Variants in SLC4A8 observed in about 807,000 individuals in gnomAD.
SLC4A8 encodes electroneutral sodium bicarbonate exchanger 1.
SLC4A8 carries 40 observed loss-of-function variants against 125.0 expected under a neutral mutation model. That is an observed-to-expected ratio of 0.32 (90% CI 0.25 to 0.42). The LOEUF (loss-of-function observed/expected upper bound fraction) is 0.42. SLC4A8 is among the 10% of genes least tolerant of loss of function. The pLI is 1.00. For missense variants in SLC4A8, 863 were observed against 1,355.1 expected (o/e 0.64, Z 5.70); for synonymous variants, 456 against 476.0 (o/e 0.96, Z 0.55).
At chr12:51,488,288 G>C (rs1312667608) in intron 17 of SLC4A8, among the ~76,000 whole-genome samples, 2 of 152,134 alleles carry the variant, frequency 1.3e-5, no homozygotes. Context: ...CCCTGCACTG[G>C]CTTTACTGCA....
chr12:51,436,147 C>T (rs1357305673), intron 1 of SLC4A8, among the ~76,000 whole-genome samples: 1 of 152,172 alleles, frequency 6.6e-6, no homozygotes, highest in Non-Finnish European at 1.5e-5. Context: ...TTCTCTCTTG[C>T]CGAGAATCCC....
chr12:51,507,548 G>C lies in SLC4A8; in HGVS notation c.*110G>C. On this transcript the variant is annotated 3_prime_UTR_variant, in exon 25 of 25. Transcript: ENST00000453097. ...AAGAAGCAAGACCAAGTCTGGCCCT[G>C]TCCTTGGTCATCTCAAAGCCATGCC... 1.4e-6 allele frequency: 1 copy of C among 734,046 alleles called. No individual in the cohort carries two copies. Among genetic ancestry groups the C allele is most frequent in the Non-Finnish European group, 2.0e-6 (1 of 490,242 alleles). 45.5% of individuals were successfully genotyped at this position (734,046 alleles called of 1,614,324 possible). A position where few individuals can be genotyped will look rare whatever the true frequency, so the allele number is the denominator to read the frequency against.
intron 16 of SLC4A8, among the ~76,000 whole-genome samples, chr12:51,483,477 T>C (rs1321189863): frequency 1.3e-5 from 2 of 151,544 alleles, no homozygotes; most frequent in Non-Finnish European, 2.9e-5. Flanking sequence ...TTTCTCTTTT[T>C]TTTTTTAAGT....
intron 4 of SLC4A8, 103 bp downstream of exon 4, chr12:51,452,362 C>A: frequency 7.7e-7 from 1 of 1,300,796 alleles, no homozygotes; most frequent in Non-Finnish European, 1.1e-6. Context: ...TTGGGAGAAG[C>A]TGTGACTGAC....
chr12:51,489,998 T>C (rs1428470670), intron 19 of SLC4A8, 47 bp downstream of exon 19: 2 of 1,585,122 alleles, frequency 1.3e-6, no homozygotes, highest in Admixed American at 1.7e-5. Context: ...GCCTGATTTG[T>C]GCCAGGAATC....
intron 1 of SLC4A8, among the ~76,000 whole-genome samples, chr12:51,415,188 A>G (rs74514983): frequency 0.022 from 3,418 of 152,238 alleles, 82 homozygotes; most frequent in Non-Finnish European, 0.028. Context: ...TGGAAAAAAA[A>G]AAAGTCAAAT....
intron 1 of SLC4A8, among the ~76,000 whole-genome samples, chr12:51,415,199 A>G (rs1948662812): frequency 6.6e-6 from 1 of 152,070 alleles, no homozygotes; most frequent in South Asian, 2.1e-4. Flanking sequence ...AAAGTCAAAT[A>G]CCGCAATTAC....
At chr12:51,441,125 C>T (rs1410698605) in intron 2 of SLC4A8, 2 of 1,005,770 alleles carry the variant, frequency 2.0e-6, no homozygotes, top group African/African-American at 3.4e-5. Flanking sequence ...CCTGGAAATA[C>T]AAATAAATAC....
At chr12:51,416,211 G>GTTTTTTTTTTTTTT (rs57565585) in intron 1 of SLC4A8, among the ~76,000 whole-genome samples, 7 of 82,522 alleles carry the variant, frequency 8.5e-5, no homozygotes, top group East Asian at 3.5e-4. Flanking sequence ...GAGGTCTTTT[G>GTTTTTTTTTTTTTT]TTTTTTTTTT....
intron 16 of SLC4A8, among the ~76,000 whole-genome samples, chr12:51,482,461 C>T (rs1264978549): frequency 6.6e-6 from 1 of 152,272 alleles, no homozygotes; most frequent in Non-Finnish European, 1.5e-5. Context: ...TCACTCCAAC[C>T]TCCACCTCCT....
intron 1 of SLC4A8, among the ~76,000 whole-genome samples, chr12:51,435,989 C>G (rs939288744): frequency 6.6e-6 from 1 of 151,950 alleles, no homozygotes; most frequent in Admixed American, 6.6e-5. Context: ...TTTTTCTAAG[C>G]CTTTGAGTGG....
chr12:51,505,797 G>A (rs758221306), intron 23 of SLC4A8, 38 bp from the exon 24 acceptor site: 1 of 917,136 alleles, frequency 1.1e-6, no homozygotes. Context: ...TATTTTACTT[G>A]TATGTCTGAC....
intron 16 of SLC4A8, chr12:51,480,317 T>C (rs1170766360): frequency 1.7e-6 from 2 of 1,204,562 alleles, no homozygotes; most frequent in Non-Finnish European, 2.1e-6. Context: ...TATTTATATG[T>C]ATGTCTTATT....
chr12:51,498,309 A>G (rs1454791380), intron 22 of SLC4A8, among the ~76,000 whole-genome samples: 1 of 152,116 alleles, frequency 6.6e-6, no homozygotes, highest in Admixed American at 6.5e-5. Context: ...TAAGAATAAT[A>G]TGAAATTGAA....
At chr12:51,425,120 G>T in intron 1 of SLC4A8, 85 bp downstream of exon 1, 1 of 1,489,928 alleles carries the variant, frequency 6.7e-7, no homozygotes, top group South Asian at 1.3e-5. Context: ...TTCTGCCCCC[G>T]AGCCCAGGCT....
chr12:51,471,113 C>T (rs1031388949), intron 13 of SLC4A8, among the ~76,000 whole-genome samples, 174 bp from the exon 14 acceptor site: 2 of 151,952 alleles, frequency 1.3e-5, no homozygotes, highest in Non-Finnish European at 2.9e-5. Flanking sequence ...TCCTGTGAGG[C>T]AAATCTGTAT....
chr12:51,449,711 G>A (rs1461697950), intron 2 of SLC4A8, among the ~76,000 whole-genome samples: 1 of 152,194 alleles, frequency 6.6e-6, no homozygotes, highest in Admixed American at 6.5e-5. Flanking sequence ...AGGTGACAGA[G>A]ATCTGGAAAT....
chr12:51,432,717 G>A (rs1949236118), intron 1 of SLC4A8, among the ~76,000 whole-genome samples: 1 of 151,996 alleles, frequency 6.6e-6, no homozygotes. Flanking sequence ...GCGAGACTCT[G>A]TCTCAAAACA....
chr12:51,446,957 CT>C (rs1484216139), intron 2 of SLC4A8, among the ~76,000 whole-genome samples: 2 of 152,228 alleles, frequency 1.3e-5, no homozygotes, highest in Non-Finnish European at 2.9e-5. Flanking sequence ...AGAGAGATAG[CT>C]GCTTAACTTT....
Sources: gnomAD v4.1 joint callset for allele counts (sites outside exome capture counted in the v4.1 genomes callset) on GRCh38, gnomAD v4.1.1 for gene constraint, MANE v1.5 for transcripts, NCBI Gene and HGNC (gene_info 2026-07-23, HGNC 2026-07-21) for gene names.